The following EIF1AX variants were observed in gnomAD, a reference collection of about 807,000 sequenced individuals.
EIF1AX encodes eukaryotic translation initiation factor 1A, X-chromosomal.
In EIF1AX, 1 loss-of-function variant was observed where a neutral mutation model predicts 16.1. The ratio of observed to expected loss-of-function variants is 0.06; its 90% CI spans 0.02 to 0.30. EIF1AX has a LOEUF of 0.30. Among genes scored for constraint, EIF1AX ranks in the 10% least tolerant of loss-of-function variants. The pLI is 1.00. For missense variants in EIF1AX, 11 were observed against 109.1 expected (o/e 0.10, Z 4.00); for synonymous variants, 32 against 37.3 (o/e 0.86, Z 0.51).
rs1727199391 is a variant in EIF1AX at position 20,126,111 on chromosome X, C to A, written c.*2195G>T. On this transcript the variant is annotated 3_prime_UTR_variant, in exon 7 of 7. Coordinates refer to ENST00000379607, the MANE Select transcript of EIF1AX (RefSeq NM_001412.4). The stretch of plus-strand genomic sequence containing the variant: ...TATTACTCCCTCTTAGCAGTAAGAA[C>A]CATTATTCTTGGATTTCAAACATTT... 1 of 131,579 alleles carries A rather than the reference C, an allele frequency of 7.6e-6. No homozygotes were observed. The highest frequency in any genetic ancestry group is 9.3e-5 in the Admixed American group (1 of 10,750). The allele number at this position is 131,579 out of a possible 1,213,427, so 10.8% of individuals were successfully genotyped here.
chrX:20,130,302 CAAAAAAAAAAAA>C lies in EIF1AX; in HGVS notation c.429+202_429+213del, dbSNP rs773734086. 7.9e-3 allele frequency among the ~76,000 whole-genome samples: 225 copies of C among 28,487 alleles called. 2 individuals are homozygous for C. The highest frequency in any genetic ancestry group is 0.029 in the Middle Eastern group (1 of 34). 24.7% of individuals were successfully genotyped at this position (28,487 alleles called of 115,157 possible). A position where few individuals can be genotyped will look rare whatever the true frequency, so the allele number is the denominator to read the frequency against. On this transcript the variant is annotated intron_variant, in intron 6 of 6. Transcript: ENST00000379607. ...TGGGTGACAGAACAAAACTCCATCA[CAAAAAAAAAAAA>C]AAAAAAAAAAAAAAAAAGAATTCTC... is the stretch of plus-strand genomic sequence containing the variant.
chrX:20,130,067 C>T (rs997653154), intron 6 of EIF1AX, among the ~76,000 whole-genome samples: 3 of 110,195 alleles, frequency 2.7e-5, no homozygotes, highest in South Asian at 3.9e-4. Context: ...TTTGGGAGGC[C>T]GAGGAGGGCA....
At chrX:20,137,182 C>A (rs767904532) in intron 2 of EIF1AX, among the ~76,000 whole-genome samples, 1 of 111,985 alleles carries the variant, frequency 8.9e-6, no homozygotes, top group Non-Finnish European at 1.9e-5. Context: ...CGGTGGCTCA[C>A]GCCTGTAATC....
At chrX:20,141,513 C>T in intron 1 of EIF1AX, 112 bp downstream of exon 1, 3 of 945,543 alleles carry the variant, frequency 3.2e-6, no homozygotes, top group Non-Finnish European at 2.9e-6. Context: ...CGCGGGCAGG[C>T]AGGGCGGGAA....
In EIF1AX at chrX:20,133,840, A is replaced by G. The variant is rs993557493; in HGVS notation, c.255+117T>C. 5.4e-5 allele frequency: 31 copies of G among 570,865 alleles called. No individual in the cohort carries two copies. In the Admixed American group the frequency reaches 9.3e-4, roughly 17 times the overall value. 47.0% of individuals were successfully genotyped at this position (570,865 alleles called of 1,213,427 possible). On this transcript the variant is annotated intron_variant, in intron 4 of 6. Transcript: ENST00000379607. ...CTAGAATAATGGCTCCCAGATTTTG[A>G]TTTAAACATAAATCCCTGGGATACC...
intron 4 of EIF1AX, among the ~76,000 whole-genome samples, chrX:20,133,672 T>C (rs997044201): frequency 1.8e-5 from 2 of 111,596 alleles, no homozygotes; most frequent in Non-Finnish European, 3.8e-5. Flanking sequence ...CACCACTTTC[T>C]TTCTTTCCCA....
rs1415014598 is a variant in EIF1AX, at chrX:20,126,709, T to A, written c.*1597A>T. ...TTCAAGGCTGGTTTCTTATGAGGAT[T>A]AAAAACCAGCCCTTAGTCTCAGATG... On this transcript the variant is annotated 3_prime_UTR_variant, in exon 7 of 7. Coordinates refer to ENST00000379607, the MANE Select transcript of EIF1AX (RefSeq NM_001412.4). The A allele has an allele frequency of 7.3e-6, 1 of 136,270 alleles. No homozygotes were observed. Among genetic ancestry groups the A allele is most frequent in the Non-Finnish European group, 1.5e-5 (1 of 68,686 alleles). The allele number at this position is 136,270 out of a possible 1,213,427, so 11.2% of individuals were successfully genotyped here. A position where few individuals can be genotyped will look rare whatever the true frequency, so the allele number is the denominator to read the frequency against.
chrX:20,138,977 T>C (rs1856212023), intron 1 of EIF1AX, among the ~76,000 whole-genome samples: 1 of 112,479 alleles, frequency 8.9e-6, no homozygotes, highest in Non-Finnish European at 1.9e-5. Context: ...AAATCTTGGG[T>C]GTCTTCTAAA....
At position 20,135,855 on chromosome X, in the gene EIF1AX, A is replaced by C; in HGVS notation, c.101-14T>G. The C allele has an allele frequency of 8.9e-7, 1 of 1,119,995 alleles. No homozygotes were observed. Among genetic ancestry groups the C allele is most frequent in the Non-Finnish European group, 1.2e-6 (1 of 812,470 alleles). 92.3% of individuals were successfully genotyped at this position (1,119,995 alleles called of 1,213,427 possible). A position where few individuals can be genotyped will look rare whatever the true frequency, so the allele number is the denominator to read the frequency against. ...CCTGAGCATACTCTAGCGGGGAGAA[A>C]GGAAAAGGGTATGGAATATTGTTCA... On this transcript the variant is annotated splice_polypyrimidine_tract_variant and intron_variant, in intron 2 of 6. Transcript: ENST00000379607.
At chrX:20,139,749 T>C (rs112202240) in intron 1 of EIF1AX, among the ~76,000 whole-genome samples, 27,167 of 110,769 alleles carry the variant, frequency 0.25, 2,577 homozygotes, top group Non-Finnish European at 0.27. Context: ...TAAGAACTGA[T>C]TGGTTTCAGA....
At chrX:20,129,485 A>G (rs926441525) in intron 6 of EIF1AX, among the ~76,000 whole-genome samples, 10 of 112,180 alleles carry the variant, frequency 8.9e-5, no homozygotes, top group Non-Finnish European at 1.9e-5. Context: ...GTTTGAAAAG[A>G]AGAGCCCAAA....
intron 1 of EIF1AX, among the ~76,000 whole-genome samples, chrX:20,140,692 T>C (rs936557077): frequency 8.9e-6 from 1 of 112,039 alleles, no homozygotes; most frequent in African/African-American, 3.2e-5. Context: ...AGGAGACTAC[T>C]TACGGACTAT....
intron 5 of EIF1AX, 36 bp from the exon 6 acceptor site, chrX:20,130,643 C>G (rs2066998578): frequency 3.6e-6 from 4 of 1,120,957 alleles, no homozygotes; most frequent in Non-Finnish European, 4.7e-6. Flanking sequence ...TAAGTCAGCA[C>G]TGTAATTTAC....
chrX:20,133,676 T>C (rs1050312628), intron 4 of EIF1AX, among the ~76,000 whole-genome samples: 13 of 111,623 alleles, frequency 1.2e-4, no homozygotes, highest in African/African-American at 4.2e-4. Context: ...ACTTTCTTTC[T>C]TTCCCAAGTG....
chrX:20,131,484 T>A (rs1157191294), intron 5 of EIF1AX, among the ~76,000 whole-genome samples: 1 of 108,311 alleles, frequency 9.2e-6, no homozygotes, highest in Non-Finnish European at 1.9e-5. Flanking sequence ...ACTACAAAAT[T>A]AGCCGGGCAT....
rs187470793 is a variant in EIF1AX, at chrX:20,125,718, T to G, written c.*2588A>C. 50 of 160,247 alleles carry G rather than the reference T, an allele frequency of 3.1e-4. No homozygotes were observed. Among genetic ancestry groups the G allele is most frequent in the African/African-American group, 1.4e-3 (45 of 33,269 alleles). The allele number at this position is 160,247 out of a possible 1,213,427, so 13.2% of individuals were successfully genotyped here. ...CAGCAGTTTATACCTATGGAAGATGTTACTGAACATCATAATCTAATATTT... is the reference window on the plus strand; with the variant it reads ...CAGCAGTTTATACCTATGGAAGATGGTACTGAACATCATAATCTAATATTT... On this transcript the variant is annotated 3_prime_UTR_variant, in exon 7 of 7. Transcript: ENST00000379607.
At position 20,141,743 on chromosome X, in the gene EIF1AX, A is replaced by G. The variant is rs2067035042; in HGVS notation, c.-103T>C. On this transcript the variant is annotated 5_prime_UTR_variant, in exon 1 of 7. Transcript: ENST00000379607. Reference sequence around the variant, plus strand: ...CGACACGAGGGAGCGCGCGGGACCAAGTAGGTGCTGGAGGCCAGGCAACGT... The same window carrying G: ...CGACACGAGGGAGCGCGCGGGACCAGGTAGGTGCTGGAGGCCAGGCAACGT... The G allele has an allele frequency of 2.3e-6, 2 of 875,012 alleles. No homozygotes were observed. Among genetic ancestry groups the G allele is most frequent in the South Asian group, 5.3e-5 (2 of 37,733 alleles). The allele number at this position is 875,012 out of a possible 1,213,427, so 72.1% of individuals were successfully genotyped here.
intron 2 of EIF1AX, 52 bp from the exon 3 acceptor site, chrX:20,135,893 A>T: frequency 1.2e-6 from 1 of 866,169 alleles, no homozygotes. Context: ...TTTTGATAAC[A>T]GCAACTTAAA....
chrX:20,136,042 ATTTCTTTC>A, intron 2 of EIF1AX: 1 of 387,087 alleles, frequency 2.6e-6, no homozygotes, highest in South Asian at 4.2e-5. Context: ...CTATGATGAC[ATTTCTTTC>A]TTTCTTTCTT....
Sources: gnomAD v4.1 joint callset for allele counts (sites outside exome capture counted in the v4.1 genomes callset) on GRCh38, gnomAD v4.1.1 for gene constraint, MANE v1.5 for transcripts, NCBI Gene and HGNC (gene_info 2026-07-23, HGNC 2026-07-21) for gene names.